Variants in OR2V2 observed in about 807,000 individuals in gnomAD.
OR2V2 encodes the protein olfactory receptor 2V2.
For missense variants in OR2V2, 392 were observed against 392.2 expected, an observed-to-expected ratio of 1.00 and a Z score of 0.00; for synonymous variants, 161 against 151.3, an observed-to-expected ratio of 1.06 and a Z score of -0.47.
chr5:181,148,606 T>C (rs2113343628), intron 1 of OR2V2, among the ~76,000 whole-genome samples: 1 of 152,336 alleles, frequency 6.6e-6, no homozygotes, highest in South Asian at 2.1e-4. Context: ...GCACAATAGA[T>C]GCCAGGCACT....
rs1554096516 is a variant in OR2V2 at position 181,156,039 on chromosome 5, G to GTTTCTTTCTTTCT, written c.*151_*152insTCTTTCTTTCTTT. On this transcript the variant is annotated 3_prime_UTR_variant, in exon 2 of 2. Coordinates refer to ENST00000641492, the MANE Select transcript of OR2V2 (RefSeq NM_206880.2). The stretch of plus-strand genomic sequence containing the variant: ...GAAGGTCTTTTTAAACACTACATCA[G>GTTTCTTTCTTTCT]TTCTTTCTTTCTTTCTTTCTTTCTT... The GTTTCTTTCTTTCT allele has an allele frequency of 6.1e-6, 3 of 493,946 alleles. No homozygotes were observed. The highest frequency in any genetic ancestry group is 3.3e-4 in the Middle Eastern group (1 of 2,996). The allele number at this position is 493,946 out of a possible 1,614,324, so 30.6% of individuals were successfully genotyped here.
In OR2V2 at chr5:181,158,619, C is replaced by A. The variant is rs750645354; in HGVS notation, c.*2729C>A. ...TCCAGCCTGGGCCACAGAGCAGAAG[C>A]CTGTCTCGAAAATAAATAAGTAAAT... On this transcript the variant is annotated 3_prime_UTR_variant, in exon 2 of 2. Coordinates refer to ENST00000641492, the MANE Select transcript of OR2V2 (RefSeq NM_206880.2). 1.3e-5 allele frequency: 2 copies of A among 152,004 alleles called. No homozygotes were observed. Among genetic ancestry groups the A allele is most frequent in the African/African-American group, 4.8e-5 (2 of 41,340 alleles). The allele number at this position is 152,004 out of a possible 1,614,324, so 9.4% of individuals were successfully genotyped here.
rs145440730 is a variant in OR2V2 at position 181,149,764 on chromosome 5, TTCTG to T, written c.-25+1773_-25+1776del. 1.1e-3 allele frequency among the ~76,000 whole-genome samples: 171 copies of T among 152,356 alleles called. 1 individual carries two copies. The East Asian group carries it at 0.02, about 18-fold the overall frequency. The stretch of plus-strand genomic sequence containing the variant: ...ATGGCTTCAGATGCCCTTTCCAGTT[TTCTG>T]TCTATTTTCAGTTTTTGCAAAGAAA... On this transcript the variant is annotated intron_variant, in intron 1 of 1. Coordinates refer to ENST00000641492, the MANE Select transcript of OR2V2 (RefSeq NM_206880.2).
At chr5:181,152,252 C>A (rs755118627) in intron 1 of OR2V2, among the ~76,000 whole-genome samples, 101 of 152,304 alleles carry the variant, frequency 6.6e-4, no homozygotes, top group Non-Finnish European at 1.4e-3. Flanking sequence ...AACGCAGAAC[C>A]AAGATTGACA....
In OR2V2 at chr5:181,155,497, G is replaced by A; in HGVS notation, c.555G>A (p.Leu185=). The part of the protein sequence containing the change: ...VNHFFCEMLS[L]LKLACVDTSL... ...ATTTCTTCTGTGAGATGCTATCCTT[G>A]TTGAAGCTGGCCTGTGTAGACACAT... is the stretch of plus-strand genomic sequence containing the variant. The change falls in exon 2 of 2, where the codon TTG becomes TTA. Residue 185 remains leucine, a synonymous_variant. Transcript: ENST00000641492. 6.2e-7 allele frequency: 1 copy of A among 1,614,198 alleles called. No homozygotes were observed. Among genetic ancestry groups the A allele is most frequent in the Non-Finnish European group, 8.5e-7 (1 of 1,180,050 alleles).
intron 1 of OR2V2, among the ~76,000 whole-genome samples, chr5:181,154,364 T>C (rs955156209): frequency 1.3e-5 from 2 of 151,554 alleles, no homozygotes; most frequent in African/African-American, 4.9e-5. Context: ...CCGAGGCGGG[T>C]GGATCACAAG....
chr5:181,153,976 C>T (rs1288911003), intron 1 of OR2V2, among the ~76,000 whole-genome samples: 5 of 152,210 alleles, frequency 3.3e-5, no homozygotes, highest in Admixed American at 1.3e-4. Context: ...TCTTAAGACT[C>T]TTGGGCACCA....
At chr5:181,153,424 C>T (rs1053857712) in intron 1 of OR2V2, among the ~76,000 whole-genome samples, 3 of 152,144 alleles carry the variant, frequency 2.0e-5, no homozygotes, top group African/African-American at 7.2e-5. Flanking sequence ...TGGTGGCTCA[C>T]ACCTGTAATC....
chr5:181,154,820 A>G, intron 1 of OR2V2, 99 bp from the exon 2 acceptor site: 1 of 723,710 alleles, frequency 1.4e-6, no homozygotes. Context: ...AGTTGTTGAG[A>G]TCTAATGAGT....
rs1325310812 is a variant in OR2V2, at chr5:181,157,689, T to C, written c.*1799T>C. 1 of 152,234 alleles carries C rather than the reference T, an allele frequency of 6.6e-6. No individual in the cohort carries two copies. Among genetic ancestry groups the C allele is most frequent in the African/African-American group, 2.4e-5 (1 of 41,464 alleles). 9.4% of individuals were successfully genotyped at this position (152,234 alleles called of 1,614,324 possible). ...ACCTACCAAATTAATTTAAGCTCTA[T>C]AATATCAAATATCTTTCTGTGTATT... On this transcript the variant is annotated 3_prime_UTR_variant, in exon 2 of 2. Transcript: ENST00000641492.
intron 1 of OR2V2, among the ~76,000 whole-genome samples, chr5:181,153,118 G>C (rs957922605): frequency 6.6e-6 from 1 of 152,190 alleles, no homozygotes; most frequent in South Asian, 2.1e-4. Flanking sequence ...AACATGAAAA[G>C]GCCTAAGGAA....
In OR2V2 at chr5:181,155,249, G is replaced by A. The variant is rs1368084368; in HGVS notation, c.307G>A (p.Gly103Ser). 1.2e-6 allele frequency: 2 copies of A among 1,612,204 alleles called. No homozygotes were observed. The highest frequency in any genetic ancestry group is 1.7e-6 in the Non-Finnish European group (2 of 1,179,776). Reference protein sequence around the residue: ...ISFVGCGIQIGLFVCLVGSEG... With the variant: ...ISFVGCGIQISLFVCLVGSEG... ...CTTTGTGGGCTGTGGCATACAAATT[G>A]GCCTCTTTGTCTGTCTTGTGGGATC... The change falls in exon 2 of 2, where the codon GGC (glycine) becomes AGC (serine). Residue 103 changes from glycine to serine, a missense_variant. By Grantham distance (56) the Gly-to-Ser change is moderately conservative. Transcript: ENST00000641492.
chr5:181,150,142 T>G (rs1763175751), intron 1 of OR2V2, among the ~76,000 whole-genome samples: 1 of 152,170 alleles, frequency 6.6e-6, no homozygotes, highest in South Asian at 2.1e-4. Context: ...TACGTAGGTG[T>G]TGTTGCTGGC....
At position 181,159,025 on chromosome 5, in the gene OR2V2, T is replaced by G. The variant is rs1582199150; in HGVS notation, c.*3135T>G. On this transcript the variant is annotated 3_prime_UTR_variant, in exon 2 of 2. Coordinates refer to ENST00000641492, the MANE Select transcript of OR2V2 (RefSeq NM_206880.2). ...GGGAGGCCAAGGTGGGAGGATCACT[T>G]GAGCCCGGGAGTCTGACGCTGCAGT... 1 of 152,172 alleles carries G rather than the reference T, an allele frequency of 6.6e-6. No individual in the cohort carries two copies. Among genetic ancestry groups the G allele is most frequent in the Non-Finnish European group, 1.5e-5 (1 of 68,044 alleles). The allele number at this position is 152,172 out of a possible 1,614,324, so 9.4% of individuals were successfully genotyped here.
rs1763300511 is a variant in OR2V2, at chr5:181,159,020, T to G, written c.*3130T>G. Reference sequence around the variant, plus strand: ...TAATGGGGAGGCCAAGGTGGGAGGATCACTTGAGCCCGGGAGTCTGACGCT... The same window carrying G: ...TAATGGGGAGGCCAAGGTGGGAGGAGCACTTGAGCCCGGGAGTCTGACGCT... On this transcript the variant is annotated 3_prime_UTR_variant, in exon 2 of 2. Coordinates refer to ENST00000641492, the MANE Select transcript of OR2V2 (RefSeq NM_206880.2). The G allele has an allele frequency of 6.6e-6, 1 of 152,080 alleles. No individual in the cohort carries two copies. The highest frequency in any genetic ancestry group is 1.5e-5 in the Non-Finnish European group (1 of 68,020). 9.4% of individuals were successfully genotyped at this position (152,080 alleles called of 1,614,324 possible).
At chr5:181,152,439 C>A (rs4976821) in intron 1 of OR2V2, among the ~76,000 whole-genome samples, 1 of 152,064 alleles carries the variant, frequency 6.6e-6, no homozygotes, top group South Asian at 2.1e-4. Context: ...CTCTGAACAA[C>A]TGGAGATGCT....
intron 1 of OR2V2, among the ~76,000 whole-genome samples, chr5:181,148,659 G>A (rs575358593): frequency 1.3e-5 from 2 of 152,176 alleles, no homozygotes; most frequent in Non-Finnish European, 1.5e-5. Flanking sequence ...CAGACGTGCC[G>A]GGGAACATGG....
chr5:181,153,981 G>A (rs1180037845), intron 1 of OR2V2, among the ~76,000 whole-genome samples: 1 of 152,128 alleles, frequency 6.6e-6, no homozygotes, highest in Non-Finnish European at 1.5e-5. Context: ...AGACTCTTGG[G>A]CACCAAGTCA....
chr5:181,149,206 G>A (rs866593979), intron 1 of OR2V2, among the ~76,000 whole-genome samples: 1 of 152,172 alleles, frequency 6.6e-6, no homozygotes, highest in Non-Finnish European at 1.5e-5. Context: ...GTGGCCAGGC[G>A]GGGGCTGGCA....
Sources: gnomAD v4.1 joint callset for allele counts (sites outside exome capture counted in the v4.1 genomes callset) on GRCh38, gnomAD v4.1.1 for gene constraint, MANE v1.5 for transcripts, NCBI Gene and HGNC (gene_info 2026-07-23, HGNC 2026-07-21) for gene names.